Variants in RGL3 observed in about 807,000 individuals in gnomAD.
RGL3 encodes ral guanine nucleotide dissociation stimulator like 3.
In RGL3, 85 loss-of-function variants were observed where a neutral mutation model predicts 90.6. That is an observed-to-expected ratio of 0.94 (90% CI 0.79 to 1.12). RGL3 has a LOEUF of 1.12. Ranked by LOEUF, RGL3 falls within the 50% of genes most tolerant of loss-of-function variation. The pLI is 0.00. For synonymous variants in RGL3, 408 were observed against 385.5 expected (o/e 1.06, Z -0.68); for missense variants, 1,034 against 939.2 (o/e 1.10, Z -1.32).
intron 18 of RGL3, among the ~76,000 whole-genome samples, chr19:11,396,662 C>CTTT (rs34889967): frequency 4.1e-5 from 5 of 123,106 alleles, no homozygotes; most frequent in South Asian, 2.6e-4. Flanking sequence ...CGTGGACAGT[C>CTTT]TTTTTTTTTT....
chr19:11,416,540 C>T, intron 4 of RGL3, 74 bp downstream of exon 4: 1 of 1,453,184 alleles, frequency 6.9e-7, no homozygotes, highest in Admixed American at 1.7e-5. Flanking sequence ...ATTTTCAAAA[C>T]CCCAGTCCGA....
At chr19:11,416,399 A>G in intron 4 of RGL3, 2 of 630,516 alleles carry the variant, frequency 3.2e-6, no homozygotes, top group Non-Finnish European at 5.6e-6. Flanking sequence ...GGGTTTCGCC[A>G]TATTGGCCAG....
At chr19:11,400,411 G>A in intron 13 of RGL3, 114 bp from the exon 14 acceptor site, 1 of 786,658 alleles carries the variant, frequency 1.3e-6, no homozygotes, top group Non-Finnish European at 1.9e-6. Context: ...AGCAGCCAGA[G>A]GTGGCACCCC....
chr19:11,399,859 G>A lies in RGL3; in HGVS notation c.1742C>T (p.Thr581Ile), dbSNP rs900321328. Reference sequence around the variant, plus strand: ...ACACACAAGCCGTCTTGGTACCTTGGTGCTGGGGCCCTGGGGCCCTGGAGA... The same window carrying A: ...ACACACAAGCCGTCTTGGTACCTTGATGCTGGGGCCCTGGGGCCCTGGAGA... ...PASPGPQGPS[T>I]KLPLSLDLPS... The change falls in exon 16 of 19, where the codon ACC becomes ATC. Residue 581 changes from threonine to isoleucine, a missense_variant. Coordinates refer to ENST00000380456, the MANE Select transcript of RGL3 (RefSeq NM_001035223.4). The A allele has an allele frequency of 1.3e-6, 2 of 1,494,472 alleles. No individual in the cohort carries two copies. The highest frequency in any genetic ancestry group is 1.4e-5 in the African/African-American group (1 of 70,584). 92.6% of individuals were successfully genotyped at this position (1,494,472 alleles called of 1,614,324 possible). A position where few individuals can be genotyped will look rare whatever the true frequency, so the allele number is the denominator to read the frequency against.
intron 5 of RGL3, among the ~76,000 whole-genome samples, chr19:11,411,888 C>T (rs561480836): frequency 7.4e-4 from 113 of 152,228 alleles, no homozygotes; most frequent in African/African-American, 2.6e-3. Context: ...ATGCTGGGAT[C>T]GCCAGCAGGA....
chr19:11,406,609 T>C lies in RGL3; in HGVS notation c.806A>G (p.Tyr269Cys). The change falls in exon 7 of 19, where the codon TAC (tyrosine) becomes TGC (cysteine). Residue 269 changes from tyrosine (Y) to cysteine (C), a missense_variant. Physicochemically the swap from Tyr to Cys is radical, Grantham distance 194. Transcript: ENST00000380456. Reference protein sequence around the residue: ...DLELFSKVRLYECLGSVWSQR... With the variant: ...DLELFSKVRLCECLGSVWSQR... ...CGACCACACGGAGCCCAAGCACTCG[T>C]AGAGCCTCACCTTGGAGAAGAGCTC... 6.4e-7 allele frequency: 1 copy of C among 1,555,466 alleles called. No individual in the cohort carries two copies. Among genetic ancestry groups the C allele is most frequent in the Non-Finnish European group, 8.7e-7 (1 of 1,149,672 alleles).
At chr19:11,398,582 G>C (rs759346585) in intron 16 of RGL3, among the ~76,000 whole-genome samples, 3 of 152,132 alleles carry the variant, frequency 2.0e-5, no homozygotes, top group African/African-American at 4.8e-5. Context: ...CTGGCCTCAA[G>C]TGATCCACTG....
In RGL3 at chr19:11,405,229, T is replaced by G. The variant is rs778393301; in HGVS notation, c.1103A>C (p.Glu368Ala). Residue 368 changes from glutamate to alanine, a missense_variant and splice_region_variant, in exon 9 of 19, where the codon GAA (glutamate) becomes GCA (alanine). Coordinates refer to ENST00000380456, the MANE Select transcript of RGL3 (RefSeq NM_001035223.4). ...LKRSWGAVSREPLSTFRKLSQ... is the reference protein window; with the variant it reads ...LKRSWGAVSRAPLSTFRKLSQ... ...AAGTTTCCTGAAAGTAGATAGCGGTTCCCTGGAAGGACAGGAGAAGGGTGG... is the reference window on the plus strand; with the variant it reads ...AAGTTTCCTGAAAGTAGATAGCGGTGCCCTGGAAGGACAGGAGAAGGGTGG... 3.1e-6 allele frequency: 5 copies of G among 1,613,944 alleles called. No individual in the cohort carries two copies. In the African/African-American group the frequency reaches 6.7e-5, roughly 22 times the overall value.
At chr19:11,413,709 TTTAATTAA>T (rs200189927) in intron 5 of RGL3, among the ~76,000 whole-genome samples, 1 of 149,756 alleles carries the variant, frequency 6.7e-6, no homozygotes, top group African/African-American at 2.4e-5. Context: ...TTTATTTAAT[TTTAATTAA>T]TTAATTAATT....
chr19:11,415,143 A>AT (rs1599444415), intron 5 of RGL3, among the ~76,000 whole-genome samples: 2 of 151,672 alleles, frequency 1.3e-5, no homozygotes, highest in East Asian at 3.9e-4. Context: ...AAAAAAATAG[A>AT]TAAAAAAATA....
intron 5 of RGL3, among the ~76,000 whole-genome samples, chr19:11,408,254 T>C (rs547044524): frequency 6.6e-6 from 1 of 152,354 alleles, no homozygotes; most frequent in African/African-American, 2.4e-5. Flanking sequence ...TGTGAGCCAG[T>C]GCGCCTGGCT....
intron 18 of RGL3, among the ~76,000 whole-genome samples, chr19:11,396,100 ATCTCTC>A (rs66711304): frequency 0.046 from 1,560 of 33,804 alleles, 94 homozygotes; most frequent in South Asian, 0.086. Context: ...TGCTCAGCTA[ATCTCTC>A]TCTCTCTCTC....
chr19:11,401,194 G>C (rs907728674), intron 13 of RGL3, among the ~76,000 whole-genome samples: 9 of 151,254 alleles, frequency 6.0e-5, no homozygotes, highest in Non-Finnish European at 1.0e-4. Flanking sequence ...ATCAGATGGG[G>C]TTGAAATTGA....
At chr19:11,412,001 C>T (rs978637492) in intron 5 of RGL3, among the ~76,000 whole-genome samples, 12 of 151,976 alleles carry the variant, frequency 7.9e-5, no homozygotes, top group East Asian at 1.9e-4. Flanking sequence ...ATAAAAGGGC[C>T]GGGCGCCATG....
intron 11 of RGL3, 32 bp downstream of exon 11, chr19:11,402,423 T>G: frequency 6.3e-7 from 1 of 1,588,076 alleles, no homozygotes; most frequent in Non-Finnish European, 8.6e-7. Flanking sequence ...CAAGTGGAGC[T>G]GGGGTCAGGG....
At position 11,400,307 on chromosome 19, in the gene RGL3, C is replaced by A; in HGVS notation, c.1485-10G>T. 1.3e-6 allele frequency: 2 copies of A among 1,563,724 alleles called. No homozygotes were observed. The highest frequency in any genetic ancestry group is 8.7e-7 in the Non-Finnish European group (1 of 1,154,488). On this transcript the variant is annotated splice_polypyrimidine_tract_variant and intron_variant, in intron 13 of 18. Coordinates refer to ENST00000380456, the MANE Select transcript of RGL3 (RefSeq NM_001035223.4). ...CCGGGAGAGCCGGTAGCTGAGGGGT[C>A]AATATGTGGATGAGGTGGTGGGGGC...
chr19:11,401,909 G>A, intron 13 of RGL3, 102 bp downstream of exon 13: 1 of 1,409,488 alleles, frequency 7.1e-7, no homozygotes, highest in Non-Finnish European at 9.4e-7. Flanking sequence ...GGCTCAAGAG[G>A]GGGTCTTGGG....
intron 18 of RGL3, among the ~76,000 whole-genome samples, chr19:11,396,134 C>A (rs56085545): frequency 0.21 from 5,963 of 28,212 alleles, 562 homozygotes; most frequent in Non-Finnish European, 0.25. Context: ...CTCTCTCTCT[C>A]TCTATATATA....
chr19:11,400,971 A>G (rs1968666053), intron 13 of RGL3, among the ~76,000 whole-genome samples: 1 of 152,066 alleles, frequency 6.6e-6, no homozygotes, highest in Non-Finnish European at 1.5e-5. Flanking sequence ...AGTTATATAG[A>G]AAGAAAGGAC....
Sources: gnomAD v4.1 joint callset for allele counts (sites outside exome capture counted in the v4.1 genomes callset) on GRCh38, gnomAD v4.1.1 for gene constraint, MANE v1.5 for transcripts, NCBI Gene and HGNC (gene_info 2026-07-23, HGNC 2026-07-21) for gene names.